Variants in ABHD12 observed in about 807,000 individuals in gnomAD.
ABHD12 encodes lysophosphatidylserine lipase ABHD12.
ABHD12 carries 43 observed loss-of-function variants against 58.3 expected under a neutral mutation model. The ratio of observed to expected loss-of-function variants is 0.74; its 90% CI spans 0.58 to 0.95. The LOEUF (loss-of-function observed/expected upper bound fraction) is 0.95, where lower values mean the gene tolerates loss of function less well. Among genes scored for constraint, ABHD12 ranks in the 40% least tolerant of loss-of-function variants. The pLI, the probability that ABHD12 is intolerant of heterozygous loss-of-function variation, is 0.00. For missense variants in ABHD12, 539 were observed against 537.2 expected, an observed-to-expected ratio of 1.00 and a Z score of -0.03; for synonymous variants, 219 against 211.2, an observed-to-expected ratio of 1.04 and a Z score of -0.32.
intron 1 of ABHD12, among the ~76,000 whole-genome samples, chr20:25,373,795 T>A (rs2089928046): frequency 6.6e-6 from 1 of 152,176 alleles, no homozygotes; most frequent in South Asian, 2.1e-4. Context: ...GGGTTTACAG[T>A]TTTCACCAAG....
chr20:25,339,797 G>T, intron 1 of ABHD12: 1 of 1,227,928 alleles, frequency 8.1e-7, no homozygotes. Flanking sequence ...TAGGAAGCAC[G>T]TAGACCAAGG....
In ABHD12 at chr20:25,300,755, G is replaced by A. The variant is rs554072031; in HGVS notation, c.*90C>T. 1.9e-5 allele frequency: 31 copies of A among 1,606,938 alleles called. No homozygotes were observed. The highest frequency in any genetic ancestry group is 1.9e-4 in the African/African-American group (14 of 74,834). ...TGGGCTCCTGAGCATTGCAGGTGCCGGCCCCCCGGGGCTTCAGGATACCGG... is the reference window on the plus strand; with the variant it reads ...TGGGCTCCTGAGCATTGCAGGTGCCAGCCCCCCGGGGCTTCAGGATACCGG... On this transcript the variant is annotated 3_prime_UTR_variant, in exon 13 of 13. Transcript: ENST00000339157.
At position 25,342,105 on chromosome 20, in the gene ABHD12, A is replaced by G. The variant is rs1236000263; in HGVS notation, c.192-2754T>C. On this transcript the variant is annotated intron_variant, in intron 1 of 12. Coordinates refer to ENST00000339157, the MANE Select transcript of ABHD12 (RefSeq NM_001042472.3). ...GCAACAACAGTGAAACTCTGTCTCAAAAAAAAAAAAAAAAAAAAAAAAGTT... is the reference window on the plus strand; with the variant it reads ...GCAACAACAGTGAAACTCTGTCTCAGAAAAAAAAAAAAAAAAAAAAAAGTT... Among the ~76,000 whole-genome samples the G allele has an allele frequency of 4.3e-4, 5 of 11,642 alleles. No homozygotes were observed. In the East Asian group the frequency reaches 6.8e-3, roughly 16 times the overall value. The allele number at this position is 11,642 out of a possible 152,430, so 7.6% of individuals were successfully genotyped here. A position where few individuals can be genotyped will look rare whatever the true frequency, so the allele number is the denominator to read the frequency against.
intron 1 of ABHD12, among the ~76,000 whole-genome samples, chr20:25,373,709 G>A (rs964969425): frequency 6.6e-6 from 1 of 151,642 alleles, no homozygotes; most frequent in African/African-American, 2.4e-5. Context: ...CTGATTTTGA[G>A]CAATTTGATT....
At chr20:25,304,454 T>A (rs1217334643) in intron 10 of ABHD12, among the ~76,000 whole-genome samples, 1 of 152,218 alleles carries the variant, frequency 6.6e-6, no homozygotes, top group African/African-American at 2.4e-5. Context: ...TGACTTCCAA[T>A]GAGCTGAGGG....
At chr20:25,309,134 A>C (rs2088801601) in intron 7 of ABHD12, among the ~76,000 whole-genome samples, 1 of 152,092 alleles carries the variant, frequency 6.6e-6, no homozygotes, top group Admixed American at 6.5e-5. Context: ...CCTCTGTGAG[A>C]AGCAAACCAC....
chr20:25,308,028 G>C lies in ABHD12; in HGVS notation c.805C>G (p.Leu269Val), dbSNP rs761432556. 1.2e-6 allele frequency: 2 copies of C among 1,607,988 alleles called. No homozygotes were observed. Among genetic ancestry groups the C allele is most frequent in the Non-Finnish European group, 8.5e-7 (1 of 1,174,406 alleles). The change falls in exon 9 of 13, where the codon CTT becomes GTT. Residue 269 changes from leucine to valine, a missense_variant. Physicochemically the swap from Leu to Val is conservative, Grantham distance 32 (BLOSUM62 1). Transcript: ENST00000339157. ...TTAGTGAATGGAGATTCCAATATAA[G>C]GGCATCTGGAGGCGTCTCTAGATAA... ...LCERETPPDA[L>V]ILESPFTNIR... is the part of the protein sequence containing the mutation.
chr20:25,328,996 CGGGTTGGCGTGCGCA>C (rs2089222277), intron 2 of ABHD12, among the ~76,000 whole-genome samples: 1 of 152,174 alleles, frequency 6.6e-6, no homozygotes, highest in African/African-American at 2.4e-5. Flanking sequence ...AGTGGTGAGA[CGGGTTGGCGTGCGCA>C]GGGTCACAGG....
downstream of ABHD12, chr20:25,296,224 A>G: frequency 1.0e-6 from 1 of 990,576 alleles, no homozygotes; most frequent in Non-Finnish European, 1.5e-6. Context: ...TTCAACGAAC[A>G]AGTGATTGTA....
chr20:25,300,716 C>T lies in ABHD12; in HGVS notation c.*129G>A, dbSNP rs751165298. The T allele has an allele frequency of 1.3e-5, 20 of 1,564,962 alleles. No homozygotes were observed. Among genetic ancestry groups the T allele is most frequent in the Non-Finnish European group, 1.7e-5 (20 of 1,159,064 alleles). ...CTCCCCGCCTGGGATCTGAGGTGCT[C>T]TCCAGGTGCGAGCTGGGCTCCTGAG... On this transcript the variant is annotated 3_prime_UTR_variant, in exon 13 of 13. Coordinates refer to ENST00000339157, the MANE Select transcript of ABHD12 (RefSeq NM_001042472.3).
intron 6 of ABHD12, among the ~76,000 whole-genome samples, chr20:25,313,965 CTCTCT>C (rs1231674926): frequency 3.5e-5 from 5 of 144,400 alleles, no homozygotes; most frequent in Admixed American, 7.2e-5. Context: ...AATCTATCTT[CTCTCT>C]TAACAGTTCT....
chr20:25,312,675 G>A (rs896144698), intron 6 of ABHD12, among the ~76,000 whole-genome samples: 1 of 150,658 alleles, frequency 6.6e-6, no homozygotes, highest in Non-Finnish European at 1.5e-5. Context: ...CTGCCTGGCT[G>A]CCCAGTCTGG....
rs776068018 is a variant in ABHD12, at chr20:25,303,613, G to A, written c.966C>T (p.Ser322=). ...CAGCGTGCAGGATGAGCAGGGGACA[G>A]GAGATGTGCTTCACGCTGTAGGAGG... ...FANDENVKHI[S]CPLLILHAED... Residue 322 remains serine (S), a synonymous_variant, in exon 11 of 13, where the codon TCC becomes TCT. Transcript: ENST00000339157. The A allele has an allele frequency of 6.2e-7, 1 of 1,613,832 alleles. No homozygotes were observed. Among genetic ancestry groups the A allele is most frequent in the Non-Finnish European group, 8.5e-7 (1 of 1,180,012 alleles).
At chr20:25,300,121 G>A (rs554109920), downstream of ABHD12, 6 of 880,496 alleles carry the variant, frequency 6.8e-6, no homozygotes, top group South Asian at 2.1e-4. Context: ...GAGTCATGGA[G>A]TGGCTCCAAA....
In ABHD12 at chr20:25,376,163, C is replaced by T. The variant is rs186994682; in HGVS notation, c.191+14350G>A. On this transcript the variant is annotated intron_variant, in intron 1 of 12. Transcript: ENST00000339157. The stretch of plus-strand genomic sequence containing the variant: ...AATAATAATGTCTACAATTAGTTTT[C>T]ATCAACTCCTTCATTAATGTAACCA... Among the ~76,000 whole-genome samples the T allele has an allele frequency of 1.4e-4, 22 of 152,240 alleles. No individual in the cohort carries two copies. In the East Asian group the frequency reaches 4.2e-3, roughly 29 times the overall value.
intron 11 of ABHD12, 131 bp downstream of exon 11, chr20:25,303,419 G>C (rs2088674588): frequency 6.5e-7 from 1 of 1,529,422 alleles, no homozygotes; most frequent in Non-Finnish European, 8.8e-7. Flanking sequence ...TGAGCCTGAC[G>C]TGGCTGGTGC....
At chr20:25,346,936 G>T (rs960137370) in intron 1 of ABHD12, among the ~76,000 whole-genome samples, 4 of 152,040 alleles carry the variant, frequency 2.6e-5, no homozygotes, top group African/African-American at 9.7e-5. Context: ...AAGCCACTGC[G>T]CCCGGCCAAG....
chr20:25,308,100 T>TG (rs2088779118), intron 8 of ABHD12, 55 bp from the exon 9 acceptor site: 1 of 1,252,184 alleles, frequency 8.0e-7, no homozygotes, highest in South Asian at 1.2e-5. Flanking sequence ...GACATACATG[T>TG]GGCCTGTGGG....
intron 6 of ABHD12, among the ~76,000 whole-genome samples, chr20:25,312,158 A>G (rs2088860567): frequency 6.6e-6 from 1 of 152,202 alleles, no homozygotes; most frequent in African/African-American, 2.4e-5. Context: ...CTCTTAAAAA[A>G]AATAAAATAG....
Sources: gnomAD v4.1 joint callset for allele counts (sites outside exome capture counted in the v4.1 genomes callset) on GRCh38, gnomAD v4.1.1 for gene constraint, MANE v1.5 for transcripts, NCBI Gene and HGNC (gene_info 2026-07-23, HGNC 2026-07-21) for gene names.